CTNNA2: variants seen among roughly 807,000 people sequenced by gnomAD.
CTNNA2 encodes the protein catenin alpha-2.
In CTNNA2, 42 loss-of-function variants were observed where a neutral mutation model predicts 101.0. The observed-to-expected ratio is 0.42, with a 90% CI of 0.32 to 0.54. CTNNA2 has a LOEUF of 0.54. Ranked by LOEUF, CTNNA2 falls within the 20% of genes least tolerant of loss-of-function variation. The probability of loss-of-function intolerance (pLI) is 0.14; values close to 1 mark genes in which losing one functional copy is unlikely to be tolerated. For missense variants in CTNNA2, 871 were observed against 1,223.1 expected (o/e 0.71, Z 4.29); for synonymous variants, 450 against 456.4 (o/e 0.99, Z 0.18).
At chr2:79,638,574 T>C (rs2104404570) in intron 1 of CTNNA2, among the ~76,000 whole-genome samples, 1 of 152,294 alleles carries the variant, frequency 6.6e-6, no homozygotes, top group Non-Finnish European at 1.5e-5. Flanking sequence ...GAGAATCATT[T>C]CCCACTTACT....
chr2:79,343,984 G>A (rs796922462), intron 3 of CTNNA2, among the ~76,000 whole-genome samples: 24 of 152,222 alleles, frequency 1.6e-4, no homozygotes, highest in African/African-American at 5.8e-4. Flanking sequence ...CAAAACCAAT[G>A]AGGCTCCTGG....
intron 7 of CTNNA2, among the ~76,000 whole-genome samples, chr2:80,244,686 TTA>T (rs1671192219): frequency 6.6e-6 from 1 of 152,202 alleles, no homozygotes; most frequent in Admixed American, 6.5e-5. Flanking sequence ...GAAACCACAA[TTA>T]TTTTTGCATC....
At chr2:79,643,723 T>C (rs1680608667) in intron 1 of CTNNA2, among the ~76,000 whole-genome samples, 1 of 152,138 alleles carries the variant, frequency 6.6e-6, no homozygotes, top group Non-Finnish European at 1.5e-5. Flanking sequence ...GATAGGGCTG[T>C]GTCTTACTGG....
chr2:79,851,104 A>T (rs1276796648), intron 3 of CTNNA2, among the ~76,000 whole-genome samples: 1 of 152,206 alleles, frequency 6.6e-6, no homozygotes. Flanking sequence ...TTATCAAAGA[A>T]CCACTCACTT....
Position 80,235,772 on chromosome 2 carries a change from C to T in CTNNA2, c.1057-157439C>T, listed in dbSNP as rs1709518433. Among the ~76,000 whole-genome samples, 3 of 152,182 alleles carry T rather than the reference C, an allele frequency of 2.0e-5. No individual in the cohort carries two copies. In the South Asian group the frequency reaches 6.2e-4, roughly 32 times the overall value. ...ACCTTAGGGTCGCACCATAAATGCACATCAGTGGCTTCCTGTGTTTCTACT... is the reference window on the plus strand; with the variant it reads ...ACCTTAGGGTCGCACCATAAATGCATATCAGTGGCTTCCTGTGTTTCTACT... On this transcript the variant is annotated intron_variant, in intron 7 of 18. Coordinates refer to ENST00000402739, the MANE Select transcript of CTNNA2 (RefSeq NM_001282597.3).
chr2:79,853,745 C>T (rs188048005), intron 3 of CTNNA2, among the ~76,000 whole-genome samples: 79 of 151,158 alleles, frequency 5.2e-4, no homozygotes, highest in African/African-American at 1.6e-3. Flanking sequence ...CTTGGCTCAC[C>T]GCAACATTCA....
intron 7 of CTNNA2, among the ~76,000 whole-genome samples, chr2:80,264,374 A>C (rs893575297): frequency 1.3e-5 from 2 of 152,206 alleles, no homozygotes; most frequent in Non-Finnish European, 2.9e-5. Context: ...TGTCAGACTC[A>C]ACAGTATCAA....
intron 3 of CTNNA2, among the ~76,000 whole-genome samples, chr2:79,819,438 AT>A (rs1389651229): frequency 1.3e-5 from 2 of 152,106 alleles, no homozygotes; most frequent in Non-Finnish European, 2.9e-5. Context: ...AATTACTTGC[AT>A]TTTTGTATGT....
At chr2:80,399,948 C>T (rs2149377811) in intron 8 of CTNNA2, among the ~76,000 whole-genome samples, 1 of 152,308 alleles carries the variant, frequency 6.6e-6, no homozygotes, top group Middle Eastern at 3.4e-3. Flanking sequence ...TTACTACACC[C>T]ATCCTGGTTA....
At chr2:79,515,016 G>A (rs1449524429) in intron 1 of CTNNA2, among the ~76,000 whole-genome samples, 1 of 152,194 alleles carries the variant, frequency 6.6e-6, no homozygotes, top group East Asian at 1.9e-4. Context: ...GTGCTGATTT[G>A]ATGAAGAGCT....
chr2:79,416,252 C>CT (rs1553409955), intron 4 of CTNNA2, among the ~76,000 whole-genome samples: 6 of 118,626 alleles, frequency 5.1e-5, no homozygotes, highest in African/African-American at 1.3e-4. Context: ...TTCTTCTTTC[C>CT]TTTTCTTTTT....
chr2:80,549,774 A>G (rs1405519830), intron 11 of CTNNA2, among the ~76,000 whole-genome samples: 1 of 152,214 alleles, frequency 6.6e-6, no homozygotes, highest in Non-Finnish European at 1.5e-5. Flanking sequence ...CTCAATGGGC[A>G]TGTTCATTCA....
At chr2:80,255,202 TAC>T (rs1370296205) in intron 7 of CTNNA2, among the ~76,000 whole-genome samples, 1 of 152,196 alleles carries the variant, frequency 6.6e-6, no homozygotes, top group Non-Finnish European at 1.5e-5. Flanking sequence ...AGATACATCT[TAC>T]ATCTGTGTTA....
intron 7 of CTNNA2, among the ~76,000 whole-genome samples, chr2:79,999,029 T>C (rs1168201883): frequency 6.6e-6 from 1 of 152,136 alleles, no homozygotes; most frequent in Admixed American, 6.5e-5. Context: ...GTGTTGTTTC[T>C]AGCTTTCAGC....
chr2:80,055,794 A>G (rs1041628447), intron 7 of CTNNA2, among the ~76,000 whole-genome samples: 1 of 152,158 alleles, frequency 6.6e-6, no homozygotes, highest in African/African-American at 2.4e-5. Context: ...GCTTGAGATC[A>G]TATAAGTGTT....
chr2:79,928,103 T>C (rs1687150485), intron 7 of CTNNA2, among the ~76,000 whole-genome samples: 1 of 152,198 alleles, frequency 6.6e-6, no homozygotes, highest in African/African-American at 2.4e-5. Flanking sequence ...ATTCTTTAAT[T>C]GTACCTTTTA....
intron 7 of CTNNA2, among the ~76,000 whole-genome samples, chr2:80,001,113 C>CT (rs1046661211): frequency 9.2e-5 from 14 of 152,100 alleles, no homozygotes; most frequent in Admixed American, 3.9e-4. Flanking sequence ...TTACACACAA[C>CT]TTTTTTTTGT....
At chr2:79,757,735 TC>T (rs1486076793) in intron 3 of CTNNA2, among the ~76,000 whole-genome samples, 1 of 152,156 alleles carries the variant, frequency 6.6e-6, no homozygotes, top group Admixed American at 6.6e-5. Context: ...GAGTCCAGGT[TC>T]AAATTCCAAC....
chr2:79,490,438 T>G (rs890088152), intron 4 of CTNNA2, among the ~76,000 whole-genome samples: 1 of 152,168 alleles, frequency 6.6e-6, no homozygotes, highest in African/African-American at 2.4e-5. Flanking sequence ...GAGTCAGTAC[T>G]GTTCTGAAGA....
Sources: allele counts gnomAD v4.1 joint callset (sites outside exome capture counted in the v4.1 genomes callset), GRCh38; gene constraint gnomAD v4.1.1; transcripts MANE v1.5; gene names NCBI Gene and HGNC (gene_info 2026-07-23, HGNC 2026-07-21).